ABCA4: variants seen among roughly 807,000 people sequenced by gnomAD.
The protein encoded by ABCA4 is retinal-specific phospholipid-transporting ATPase ABCA4.
Under a neutral mutation model 263.7 loss-of-function variants are expected in ABCA4, and 196 were observed. The ratio of observed to expected loss-of-function variants is 0.74; its 90% CI spans 0.66 to 0.84. The LOEUF (loss-of-function observed/expected upper bound fraction) is 0.84, where lower values mean the gene tolerates loss of function less well. ABCA4 is among the 40% of genes least tolerant of loss of function. The pLI is 0.00. For missense variants in ABCA4, 2,792 were observed against 2,855.1 expected, an observed-to-expected ratio of 0.98 and a Z score of 0.50; for synonymous variants, 1,133 against 1,094.2, an observed-to-expected ratio of 1.04 and a Z score of -0.70.
At chr1:94,101,201 G>A (rs1051816213) in intron 5 of ABCA4, among the ~76,000 whole-genome samples, 2 of 152,226 alleles carry the variant, frequency 1.3e-5, no homozygotes, top group African/African-American at 4.8e-5. Context: ...AAATTTCCCC[G>A]AAATTCCTGT....
chr1:94,029,739 C>A, intron 29 of ABCA4, 108 bp from the exon 30 acceptor site: 1 of 1,092,550 alleles, frequency 9.2e-7, no homozygotes, highest in Non-Finnish European at 1.4e-6. Context: ...TAGACCCAGG[C>A]CCTTTCTTCT....
At chr1:94,115,089 A>C (rs963565140) in intron 1 of ABCA4, among the ~76,000 whole-genome samples, 2 of 152,204 alleles carry the variant, frequency 1.3e-5, no homozygotes, top group Non-Finnish European at 2.9e-5. Context: ...GGTCATGTAC[A>C]TTGGTGTCTT....
chr1:94,031,462 C>T (rs1202166667), intron 27 of ABCA4, among the ~76,000 whole-genome samples: 1 of 152,132 alleles, frequency 6.6e-6, no homozygotes, highest in Non-Finnish European at 1.5e-5. Flanking sequence ...AAAAAGAGGG[C>T]AATGATTTTG....
At chr1:94,063,391 C>T in intron 11 of ABCA4, 74 bp from the exon 12 acceptor site, 1 of 1,429,652 alleles carries the variant, frequency 7.0e-7, no homozygotes, top group South Asian at 1.1e-5. Flanking sequence ...CACAGAAAGT[C>T]ACAGGATAAG....
chr1:94,004,914 A>G (rs544634923), intron 44 of ABCA4, among the ~76,000 whole-genome samples: 289 of 152,122 alleles, frequency 1.9e-3, no homozygotes, highest in Middle Eastern at 6.8e-3. Context: ...AGCGTTCTCT[A>G]TGTTCTGTTT....
rs144835850 is a variant in ABCA4, at chr1:94,117,075, C to CCT, written c.66+3903_66+3904dup. 8.7e-3 allele frequency among the ~76,000 whole-genome samples: 1,223 copies of CCT among 140,972 alleles called. 13 individuals are homozygous for CCT. The highest frequency in any genetic ancestry group is 0.011 in the Non-Finnish European group (685 of 65,034). The allele number at this position is 140,972 out of a possible 152,430, so 92.5% of individuals were successfully genotyped here. A position where few individuals can be genotyped will look rare whatever the true frequency, so the allele number is the denominator to read the frequency against. Reference sequence around the variant, plus strand: ...CCTTTCTTTCCTTTCTCTCTCTCTTCCTCTCTCTCTCTCTCCCTCTCACCT... The same window carrying CCT: ...CCTTTCTTTCCTTTCTCTCTCTCTTCCTCTCTCTCTCTCTCTCCCTCTCACCT... On this transcript the variant is annotated intron_variant, in intron 1 of 49. Coordinates refer to ENST00000370225, the MANE Select transcript of ABCA4 (RefSeq NM_000350.3).
At chr1:94,009,609 C>T (rs1659491834) in intron 40 of ABCA4, among the ~76,000 whole-genome samples, 1 of 152,236 alleles carries the variant, frequency 6.6e-6, no homozygotes. Flanking sequence ...TTCTCCTCCT[C>T]CTGCCCCACC....
At chr1:94,103,589 T>C (rs560986260) in intron 4 of ABCA4, among the ~76,000 whole-genome samples, 1 of 151,992 alleles carries the variant, frequency 6.6e-6, no homozygotes, top group South Asian at 2.1e-4. Context: ...CACTCCTCCC[T>C]CCCCCACACA....
At chr1:94,072,367 A>G (rs1422252999) in intron 11 of ABCA4, among the ~76,000 whole-genome samples, 2 of 152,232 alleles carry the variant, frequency 1.3e-5, no homozygotes, top group African/African-American at 4.8e-5. Flanking sequence ...GGCTGAATTC[A>G]GCTTCCTATA....
rs142186046 is a variant in ABCA4, at chr1:94,055,202, G to A, written c.2496C>T (p.Asp832=). ...SNIGNSPTEG[D]EFSFLLSMQM... Reference sequence around the variant, plus strand: ...GCATGGACAGCAGGAAGCTGAATTCGTCCCCTTCCGTGGGACTGTTCCCGA... The same window carrying A: ...GCATGGACAGCAGGAAGCTGAATTCATCCCCTTCCGTGGGACTGTTCCCGA... The change falls in exon 16 of 50, where the codon GAC becomes GAT. Residue 832 remains aspartate, a synonymous_variant. Coordinates refer to ENST00000370225, the MANE Select transcript of ABCA4 (RefSeq NM_000350.3). 1.7e-4 allele frequency: 270 copies of A among 1,614,130 alleles called. 1 individual carries two copies. Among genetic ancestry groups the A allele is most frequent in the Middle Eastern group, 6.6e-4 (4 of 6,062 alleles).
chr1:93,998,744 T>TTTATTTTATTTTATTTTATTTTATG (rs1553186213), intron 47 of ABCA4, among the ~76,000 whole-genome samples: 2,129 of 148,548 alleles, frequency 0.014, 16 homozygotes, highest in South Asian at 0.03. Flanking sequence ...TTTATTTTAT[T>TTTATTTTATTTTATTTTATTTTATG]TTATTTTATT....
intron 26 of ABCA4, among the ~76,000 whole-genome samples, chr1:94,034,036 G>C (rs1252394807): frequency 6.6e-6 from 1 of 152,200 alleles, no homozygotes; most frequent in Non-Finnish European, 1.5e-5. Flanking sequence ...AGAATCGCCA[G>C]TTTGTCCCTA....
intron 3 of ABCA4, among the ~76,000 whole-genome samples, chr1:94,110,187 CT>C (rs1322733124): frequency 6.6e-6 from 1 of 152,214 alleles, no homozygotes; most frequent in Non-Finnish European, 1.5e-5. Flanking sequence ...ACTTCCTTGA[CT>C]TTGCTAGGAA....
chr1:94,041,382 T>A lies in ABCA4; in HGVS notation c.3349A>T (p.Thr1117Ser). 1 of 1,613,714 alleles carries A rather than the reference T, an allele frequency of 6.2e-7. No individual in the cohort carries two copies. The highest frequency in any genetic ancestry group is 8.5e-7 in the Non-Finnish European group (1 of 1,179,954). The change falls in exon 23 of 50, where the codon ACT (threonine) becomes TCT (serine). Residue 1117 changes from threonine to serine, a missense_variant. Coordinates refer to ENST00000370225, the MANE Select transcript of ABCA4 (RefSeq NM_000350.3). ...YRSGRTIIMS[T>S]HHMDEADLLG... ...AGGTCGGCCTCGTCCATGTGGTGAG[T>A]GGACATGATGATGGTTCTGCCTGCA... is the stretch of plus-strand genomic sequence containing the variant.
At chr1:94,109,738 C>G (rs998574252) in intron 3 of ABCA4, among the ~76,000 whole-genome samples, 1 of 152,196 alleles carries the variant, frequency 6.6e-6, no homozygotes, top group Non-Finnish European at 1.5e-5. Flanking sequence ...TCCTGAGCCC[C>G]GCCTTGCTGC....
intron 5 of ABCA4, 141 bp from the exon 6 acceptor site, chr1:94,099,132 C>T: frequency 1.0e-6 from 1 of 979,834 alleles, no homozygotes; most frequent in Non-Finnish European, 1.5e-6. Flanking sequence ...CACTGATTAG[C>T]TGATTTTAAA....
intron 18 of ABCA4, among the ~76,000 whole-genome samples, chr1:94,048,250 C>T (rs543701412): frequency 3.9e-5 from 6 of 152,278 alleles, no homozygotes; most frequent in Admixed American, 6.5e-5. Context: ...CAGAGAAATG[C>T]GTATGCTTAG....
chr1:94,044,662 C>G lies in ABCA4; in HGVS notation c.3001G>C (p.Val1001Leu). 1 of 1,614,208 alleles carries G rather than the reference C, an allele frequency of 6.2e-7. No individual in the cohort carries two copies. The highest frequency in any genetic ancestry group is 8.5e-7 in the Non-Finnish European group (1 of 1,180,044). Residue 1001 changes from valine (V) to leucine (L), a missense_variant, in exon 20 of 50, where the codon GTC (valine) becomes CTC (leucine). Transcript: ENST00000370225. ...GRDIETSLDAVRQSLGMCPQH... is the reference protein window; with the variant it reads ...GRDIETSLDALRQSLGMCPQH... ...GGACACATGCCAAGGCTCTGCCGGA[C>G]TGCATCCAGGCTGGTTTCAATGTCC...
chr1:94,048,986 TACC>T, intron 17 of ABCA4, 29 bp from the exon 18 acceptor site: 2 of 1,608,928 alleles, frequency 1.2e-6, no homozygotes, highest in Non-Finnish European at 1.7e-6. Flanking sequence ...AGTGTTACTC[TACC>T]ACCGGGAGCT....
Sources: allele counts gnomAD v4.1 joint callset (sites outside exome capture counted in the v4.1 genomes callset), GRCh38; gene constraint gnomAD v4.1.1; transcripts MANE v1.5; gene names NCBI Gene and HGNC (gene_info 2026-07-23, HGNC 2026-07-21).